CCDC50: variants seen among roughly 807,000 people sequenced by gnomAD.
CCDC50 encodes coiled-coil domain-containing protein 50.
A neutral mutation model predicts 70.2 loss-of-function variants in CCDC50; 54 were observed. That is an observed-to-expected ratio of 0.77 (90% CI 0.62 to 0.96). CCDC50 has a LOEUF of 0.96. Ranked by LOEUF, CCDC50 falls within the 50% of genes least tolerant of loss-of-function variation. CCDC50 has a pLI of 0.00. For missense variants in CCDC50, 558 were observed against 578.7 expected (o/e 0.96, Z 0.37); for synonymous variants, 216 against 198.8 (o/e 1.09, Z -0.73).
intron 10 of CCDC50, among the ~76,000 whole-genome samples, chr3:191,384,847 CTAT>C (rs1713436249): frequency 6.6e-6 from 1 of 152,026 alleles, no homozygotes. Context: ...TTCCCAGTGT[CTAT>C]TATTCACATC....
At chr3:191,382,577 A>G (rs1713356232) in intron 9 of CCDC50, among the ~76,000 whole-genome samples, 169 bp from the exon 10 acceptor site, 1 of 152,142 alleles carries the variant, frequency 6.6e-6, no homozygotes, top group Non-Finnish European at 1.5e-5. Flanking sequence ...TGGAGTGGCC[A>G]TATATAAAAA....
At position 191,394,552 on chromosome 3, in the gene CCDC50, T is replaced by A. The variant is rs559089333; in HGVS notation, c.*2792T>A. 2.0e-5 allele frequency: 3 copies of A among 152,302 alleles called. No individual in the cohort carries two copies. In the East Asian group the frequency reaches 5.8e-4, roughly 29 times the overall value. 9.4% of individuals were successfully genotyped at this position (152,302 alleles called of 1,614,324 possible). A position where few individuals can be genotyped will look rare whatever the true frequency, so the allele number is the denominator to read the frequency against. ...GCCCACAGTGTATTATGCTTTAATG[T>A]TGTGATGTAAACTAATACTTCTGGC... On this transcript the variant is annotated 3_prime_UTR_variant, in exon 12 of 12. Transcript: ENST00000392455.
rs2108680395 is a variant in CCDC50, at chr3:191,393,651, C to T, written c.*1891C>T. On this transcript the variant is annotated 3_prime_UTR_variant, in exon 12 of 12. Transcript: ENST00000392455. Reference sequence around the variant, plus strand: ...GAGAAATGGAGGAAAAGGAAAATAACAGGACTTTTTATAGCTGTGATAAAA... The same window carrying T: ...GAGAAATGGAGGAAAAGGAAAATAATAGGACTTTTTATAGCTGTGATAAAA... 1 of 152,096 alleles carries T rather than the reference C, an allele frequency of 6.6e-6. No individual in the cohort carries two copies. The highest frequency in any genetic ancestry group is 1.9e-4 in the East Asian group (1 of 5,184). 9.4% of individuals were successfully genotyped at this position (152,096 alleles called of 1,614,324 possible). A position where few individuals can be genotyped will look rare whatever the true frequency, so the allele number is the denominator to read the frequency against.
chr3:191,357,174 C>G (rs1158362968), intron 2 of CCDC50, 24 bp downstream of exon 2: 2 of 1,602,008 alleles, frequency 1.2e-6, no homozygotes, highest in Non-Finnish European at 1.7e-6. Flanking sequence ...CTCATTTATG[C>G]TCCTTCAGTT....
intron 10 of CCDC50, among the ~76,000 whole-genome samples, chr3:191,384,959 C>T (rs1004243180): frequency 6.6e-6 from 1 of 152,048 alleles, no homozygotes; most frequent in African/African-American, 2.4e-5. Context: ...AGGATAATGC[C>T]CTCCAGAGGC....
At position 191,349,686 on chromosome 3, in the gene CCDC50, C is replaced by T. The variant is rs149260116; in HGVS notation, c.50-7402C>T. Reference sequence around the variant, plus strand: ...CAGACTTCACTACTAGACAGTATATCCATATAACTAAGCTGCACTTGAAAC... The same window carrying T: ...CAGACTTCACTACTAGACAGTATATTCATATAACTAAGCTGCACTTGAAAC... On this transcript the variant is annotated intron_variant, in intron 1 of 11. Transcript: ENST00000392455. 1.2e-4 allele frequency among the ~76,000 whole-genome samples: 17 copies of T among 141,694 alleles called. 2 individuals are homozygous for T. The highest frequency in any genetic ancestry group is 2.4e-4 in the Non-Finnish European group (15 of 62,764). 93.0% of individuals were successfully genotyped at this position (141,694 alleles called of 152,430 possible).
At chr3:191,381,942 C>T (rs545081236) in intron 9 of CCDC50, among the ~76,000 whole-genome samples, 3 of 152,210 alleles carry the variant, frequency 2.0e-5, no homozygotes, top group South Asian at 4.1e-4. Context: ...CAGTTACCCA[C>T]GAGTTAGTCT....
In CCDC50 at chr3:191,382,774, A is replaced by G. The variant is rs748900740; in HGVS notation, c.1271A>G (p.Lys424Arg). The change falls in exon 10 of 12, where the codon AAG (lysine) becomes AGG (arginine). Residue 424 changes from lysine to arginine, a missense_variant. Coordinates refer to ENST00000392455, the MANE Select transcript of CCDC50 (RefSeq NM_178335.3). ...KPKTAKAANS[K>R]SKESDEPHHS... ...AAAACAGCTAAAGCAGCAAATTCCA[A>G]GTCAAAAGAGAGTGATGAACCTCAC... The G allele has an allele frequency of 6.2e-7, 1 of 1,613,086 alleles. No homozygotes were observed. The highest frequency in any genetic ancestry group is 1.1e-5 in the South Asian group (1 of 91,064).
intron 1 of CCDC50, among the ~76,000 whole-genome samples, chr3:191,345,357 C>T (rs1711875755): frequency 6.6e-6 from 1 of 152,130 alleles, no homozygotes. Context: ...TCAGATAAAC[C>T]TTATATGGAA....
At chr3:191,359,237 A>G (rs1712401101) in intron 3 of CCDC50, among the ~76,000 whole-genome samples, 1 of 152,182 alleles carries the variant, frequency 6.6e-6, no homozygotes. Flanking sequence ...TTGAAGGTTA[A>G]TTAGAAGTTT....
chr3:191,366,252 C>G (rs1712685810), intron 4 of CCDC50, among the ~76,000 whole-genome samples: 1 of 152,138 alleles, frequency 6.6e-6, no homozygotes, highest in Non-Finnish European at 1.5e-5. Flanking sequence ...GAATTTGACA[C>G]AGGGCACACG....
At chr3:191,367,462 T>C (rs961199135) in intron 4 of CCDC50, among the ~76,000 whole-genome samples, 1 of 152,096 alleles carries the variant, frequency 6.6e-6, no homozygotes, top group African/African-American at 2.4e-5. Flanking sequence ...TTTCTCCGAA[T>C]GTTAAAATGA....
intron 1 of CCDC50, among the ~76,000 whole-genome samples, chr3:191,334,255 C>CT (rs1291841618): frequency 3.9e-5 from 6 of 152,166 alleles, no homozygotes; most frequent in African/African-American, 1.4e-4. Context: ...AAAGAACTGT[C>CT]TGAATTCATA....
chr3:191,381,050 G>A (rs1034056189), intron 9 of CCDC50, 118 bp downstream of exon 9: 76 of 781,120 alleles, frequency 9.7e-5, no homozygotes, highest in Admixed American at 2.1e-4. Context: ...TAAATTATCT[G>A]TATTGCATAT....
chr3:191,382,773 A>G lies in CCDC50; in HGVS notation c.1270A>G (p.Lys424Glu), dbSNP rs555142794. The change falls in exon 10 of 12, where the codon AAG becomes GAG. Residue 424 changes from lysine to glutamate, a missense_variant. Transcript: ENST00000392455. Reference protein sequence around the residue: ...KPKTAKAANSKSKESDEPHHS... With the variant: ...KPKTAKAANSESKESDEPHHS... ...AAAAACAGCTAAAGCAGCAAATTCCAAGTCAAAAGAGAGTGATGAACCTCA... is the reference window on the plus strand; with the variant it reads ...AAAAACAGCTAAAGCAGCAAATTCCGAGTCAAAAGAGAGTGATGAACCTCA... 1 of 1,613,048 alleles carries G rather than the reference A, an allele frequency of 6.2e-7. No homozygotes were observed. The highest frequency in any genetic ancestry group is 1.7e-5 in the Admixed American group (1 of 59,974).
intron 4 of CCDC50, among the ~76,000 whole-genome samples, chr3:191,367,610 A>T (rs16848976): frequency 6.6e-6 from 1 of 152,210 alleles, no homozygotes; most frequent in African/African-American, 2.4e-5. Context: ...ATCAATCTTA[A>T]AGCCAAATGT....
At chr3:191,358,206 C>G in intron 3 of CCDC50, 82 bp downstream of exon 3, 1 of 1,526,174 alleles carries the variant, frequency 6.6e-7, no homozygotes, top group Non-Finnish European at 9.0e-7. Flanking sequence ...GAGAAGGAGA[C>G]TACTTCTGTT....
intron 1 of CCDC50, among the ~76,000 whole-genome samples, chr3:191,354,323 G>A (rs147825042): frequency 1.2e-3 from 178 of 152,162 alleles, no homozygotes; most frequent in African/African-American, 3.6e-3. Flanking sequence ...ACTGTTTGGA[G>A]TTAAGTTTGT....
chr3:191,362,868 A>T (rs1451525673), intron 4 of CCDC50, among the ~76,000 whole-genome samples: 1 of 152,210 alleles, frequency 6.6e-6, no homozygotes, highest in African/African-American at 2.4e-5. Context: ...AGTAAAAATT[A>T]GGGATTATTT....
Sources: gnomAD v4.1 joint callset for allele counts (sites outside exome capture counted in the v4.1 genomes callset) on GRCh38, gnomAD v4.1.1 for gene constraint, MANE v1.5 for transcripts, NCBI Gene and HGNC (gene_info 2026-07-23, HGNC 2026-07-21) for gene names.